The following SULF2 variants were observed in gnomAD, a reference collection of about 807,000 sequenced individuals.
The protein encoded by SULF2 is extracellular sulfatase Sulf-2.
A neutral mutation model predicts 107.7 loss-of-function variants in SULF2; 52 were observed. The observed-to-expected ratio is 0.48, with a 90% confidence interval of 0.39 to 0.61. The LOEUF (loss-of-function observed/expected upper bound fraction) is 0.61, where lower values mean the gene tolerates loss of function less well. Ranked by LOEUF, SULF2 falls within the 20% of genes least tolerant of loss-of-function variation. The pLI, the probability that SULF2 is intolerant of heterozygous loss-of-function variation, is 0.00. For synonymous variants in SULF2, 460 were observed against 464.3 expected, an observed-to-expected ratio of 0.99 and a Z score of 0.12; for missense variants, 993 against 1,177.3, an observed-to-expected ratio of 0.84 and a Z score of 2.29.
At chr20:47,705,427 G>T (rs548162513) in intron 3 of SULF2, among the ~76,000 whole-genome samples, 2 of 152,334 alleles carry the variant, frequency 1.3e-5, no homozygotes, top group East Asian at 1.9e-4. Context: ...TAATTAAACA[G>T]CGACTGGGCG....
chr20:47,664,634 GA>G (rs1369189403), intron 14 of SULF2, among the ~76,000 whole-genome samples: 1 of 152,196 alleles, frequency 6.6e-6, no homozygotes, highest in Non-Finnish European at 1.5e-5. Context: ...ACACTTTCTG[GA>G]AAGACAGCAG....
intron 14 of SULF2, among the ~76,000 whole-genome samples, chr20:47,664,950 G>A (rs577979007): frequency 1.2e-4 from 18 of 152,336 alleles, no homozygotes; most frequent in East Asian, 1.9e-4. Context: ...GCCTGGAGCC[G>A]GCTCTGCGCA....
chr20:47,675,160 G>A (rs1404235852), intron 10 of SULF2, among the ~76,000 whole-genome samples: 2 of 152,154 alleles, frequency 1.3e-5, no homozygotes, highest in Non-Finnish European at 2.9e-5. Context: ...ACGTTCCCTC[G>A]TCGAGGGGCA....
intron 10 of SULF2, among the ~76,000 whole-genome samples, chr20:47,674,482 C>T (rs1394200494): frequency 6.6e-6 from 1 of 152,246 alleles, no homozygotes; most frequent in African/African-American, 2.4e-5. Flanking sequence ...AGCTTACACT[C>T]ACGTGTTGCC....
At chr20:47,729,132 G>A (rs934743428) in intron 3 of SULF2, among the ~76,000 whole-genome samples, 21 of 152,222 alleles carry the variant, frequency 1.4e-4, no homozygotes, top group Admixed American at 1.4e-3. Flanking sequence ...AAGTGCAGAC[G>A]TGTAGAAGTT....
chr20:47,664,806 C>T (rs550530613), intron 14 of SULF2, among the ~76,000 whole-genome samples: 6 of 152,360 alleles, frequency 3.9e-5, no homozygotes, highest in East Asian at 1.9e-4. Flanking sequence ...AGCCCATTTC[C>T]GTCAGCACAG....
intron 1 of SULF2, among the ~76,000 whole-genome samples, chr20:47,763,860 C>A (rs551924566): frequency 6.6e-6 from 1 of 152,310 alleles, no homozygotes; most frequent in East Asian, 1.9e-4. Context: ...AAAGCAAGGG[C>A]CTGCCTTCCT....
intron 11 of SULF2, among the ~76,000 whole-genome samples, chr20:47,669,188 T>C (rs937227363): frequency 1.3e-5 from 2 of 152,126 alleles, no homozygotes; most frequent in Non-Finnish European, 1.5e-5. Flanking sequence ...GTTCAAGAAA[T>C]GAATGAACCC....
In SULF2 at chr20:47,680,248, G is replaced by C. The variant is rs975590605; in HGVS notation, c.1065-1444C>G. On this transcript the variant is annotated intron_variant, in intron 7 of 20. Transcript: ENST00000688720. The surrounding 1 kb of genome is among the most constrained non-coding windows in gnomAD (Gnocchi z 4.2). ...GCCTCCCGAGTAGCTGGGATTACAGGCATGCGCCATCACACCCATAATTTT... is the reference window on the plus strand; with the variant it reads ...GCCTCCCGAGTAGCTGGGATTACAGCCATGCGCCATCACACCCATAATTTT... 5.9e-5 allele frequency among the ~76,000 whole-genome samples: 9 copies of C among 152,354 alleles called. No individual in the cohort carries two copies. Among genetic ancestry groups the C allele is most frequent in the South Asian group, 4.1e-4 (2 of 4,828 alleles).
intron 2 of SULF2, among the ~76,000 whole-genome samples, chr20:47,746,945 T>C: frequency 6.9e-6 from 1 of 144,678 alleles, no homozygotes; most frequent in East Asian, 2.0e-4. Flanking sequence ...GTAACAAAAC[T>C]GCACGTTGTG....
intron 1 of SULF2, among the ~76,000 whole-genome samples, chr20:47,771,220 A>G (rs555754012): frequency 6.6e-6 from 1 of 152,184 alleles, no homozygotes; most frequent in South Asian, 2.1e-4. Context: ...TGAGCCTCGG[A>G]AAGTCCTGGG....
chr20:47,665,051 G>C, intron 14 of SULF2, 148 bp downstream of exon 14: 1 of 689,612 alleles, frequency 1.5e-6, no homozygotes, highest in Non-Finnish European at 2.6e-6. Flanking sequence ...TGACAACAGG[G>C]AGGTAAATTA....
intron 2 of SULF2, among the ~76,000 whole-genome samples, chr20:47,738,351 T>C (rs1460692792): frequency 2.6e-5 from 4 of 152,242 alleles, no homozygotes; most frequent in Non-Finnish European, 4.4e-5. Context: ...CCTTCTTCTA[T>C]GGCCATCCTT....
chr20:47,756,031 G>GA (rs2146899667), intron 2 of SULF2, among the ~76,000 whole-genome samples: 1 of 152,166 alleles, frequency 6.6e-6, no homozygotes, highest in African/African-American at 2.4e-5. Context: ...ACAGTGCACT[G>GA]AATGCAACAA....
chr20:47,729,474 C>T (rs574477571), intron 3 of SULF2, among the ~76,000 whole-genome samples: 5 of 152,122 alleles, frequency 3.3e-5, no homozygotes, highest in Admixed American at 1.3e-4. Flanking sequence ...ACAGGGCAGG[C>T]GGGGAAGACA....
intron 4 of SULF2, among the ~76,000 whole-genome samples, chr20:47,697,378 C>T (rs904212130): frequency 1.2e-4 from 19 of 152,196 alleles, no homozygotes; most frequent in East Asian, 3.9e-4. Flanking sequence ...GAAGGGTTGC[C>T]GCTTCCTCCC....
At chr20:47,705,263 G>A (rs1312436085) in intron 3 of SULF2, among the ~76,000 whole-genome samples, 2 of 152,154 alleles carry the variant, frequency 1.3e-5, no homozygotes, top group Non-Finnish European at 2.9e-5. Flanking sequence ...GTAAGGTCCG[G>A]GATGGAACCT....
intron 14 of SULF2, 134 bp downstream of exon 14, chr20:47,665,065 A>C: frequency 1.4e-6 from 1 of 718,716 alleles, no homozygotes; most frequent in East Asian, 2.5e-5. Context: ...TAAATTACGG[A>C]TTTTTTTAAT....
chr20:47,731,215 C>T lies in SULF2; in HGVS notation c.415+5488G>A, dbSNP rs1399565088. ...TTTTTTTTTTTTTTTTTTTTTGAGA[C>T]AGAGTCTTACTCTGTCACCCAGGCT... On this transcript the variant is annotated intron_variant, in intron 3 of 20. Coordinates refer to ENST00000688720, the MANE Select transcript of SULF2 (RefSeq NM_001387048.1). Among the ~76,000 whole-genome samples, 99 of 69,270 alleles carry T rather than the reference C, an allele frequency of 1.4e-3. 1 individual carries two copies. Among genetic ancestry groups the T allele is most frequent in the African/African-American group, 0.013 (92 of 6,836 alleles). 45.4% of individuals were successfully genotyped at this position (69,270 alleles called of 152,430 possible).
Sources: gnomAD v4.1 joint callset for allele counts (sites outside exome capture counted in the v4.1 genomes callset) on GRCh38, gnomAD v4.1.1 for gene constraint, Gnocchi (gnomAD v3.1) non-coding constraint, MANE v1.5 for transcripts, NCBI Gene and HGNC (gene_info 2026-07-23, HGNC 2026-07-21) for gene names.